The following POU6F2 variants were observed in gnomAD, a reference collection of about 807,000 sequenced individuals.
POU6F2 encodes the protein POU domain, class 6, transcription factor 2.
In POU6F2, 31 loss-of-function variants were observed where a neutral mutation model predicts 71.3. That is an observed-to-expected ratio of 0.43 (90% CI 0.33 to 0.59). The LOEUF is 0.59. Among genes scored for constraint, POU6F2 ranks in the 20% least tolerant of loss-of-function variants. The pLI is 0.04. For missense variants in POU6F2, 783 were observed against 856.8 expected (o/e 0.91, Z 1.07); for synonymous variants, 347 against 355.7 (o/e 0.98, Z 0.27).
intron 2 of POU6F2, among the ~76,000 whole-genome samples, chr7:39,134,744 C>G (rs1288522024): frequency 2.0e-5 from 3 of 152,276 alleles, no homozygotes; most frequent in Admixed American, 6.5e-5. Context: ...GGCTATATAT[C>G]AGAATCACCC....
chr7:39,107,287 C>T (rs1349198122), intron 2 of POU6F2, among the ~76,000 whole-genome samples: 2 of 152,014 alleles, frequency 1.3e-5, no homozygotes, highest in Admixed American at 6.6e-5. Context: ...TCAAATGATC[C>T]TCCCACCTAA....
At chr7:39,430,196 C>T (rs941198613) in intron 6 of POU6F2, among the ~76,000 whole-genome samples, 1 of 152,168 alleles carries the variant, frequency 6.6e-6, no homozygotes, top group Non-Finnish European at 1.5e-5. Flanking sequence ...TGACGAAATT[C>T]CCCATAATGC....
chr7:39,375,098 G>C (rs1786685370), intron 5 of POU6F2, among the ~76,000 whole-genome samples: 1 of 152,074 alleles, frequency 6.6e-6, no homozygotes, highest in Non-Finnish European at 1.5e-5. Context: ...TCTAACATTT[G>C]GGGAGGTTTT....
chr7:39,259,570 C>T (rs556097570), intron 4 of POU6F2, among the ~76,000 whole-genome samples: 4 of 152,222 alleles, frequency 2.6e-5, no homozygotes, highest in South Asian at 2.1e-4. Context: ...TTCCAAGGGC[C>T]GTGTTGCCCT....
intron 5 of POU6F2, among the ~76,000 whole-genome samples, chr7:39,377,158 T>C (rs1038172994): frequency 6.6e-6 from 1 of 150,740 alleles, no homozygotes; most frequent in African/African-American, 2.4e-5. Context: ...TGAGATGGAG[T>C]CTCATTCTGT....
intron 6 of POU6F2, among the ~76,000 whole-genome samples, chr7:39,414,666 G>C (rs1787632211): frequency 6.6e-6 from 1 of 152,266 alleles, no homozygotes; most frequent in Middle Eastern, 3.4e-3. Flanking sequence ...TAAGACTGCG[G>C]GTGCGGCCCC....
intron 4 of POU6F2, among the ~76,000 whole-genome samples, chr7:39,291,524 C>T (rs1005662909): frequency 2.6e-5 from 4 of 152,230 alleles, no homozygotes; most frequent in African/African-American, 9.7e-5. Flanking sequence ...GATTTAATTA[C>T]ATTTTTGTTC....
chr7:39,407,247 G>A (rs1487392581), intron 6 of POU6F2, among the ~76,000 whole-genome samples: 1 of 151,804 alleles, frequency 6.6e-6, no homozygotes, highest in Non-Finnish European at 1.5e-5. Context: ...AAGAAAAGGG[G>A]TGAGTTAGAA....
At chr7:39,019,555 T>G (rs747012762) in intron 1 of POU6F2, among the ~76,000 whole-genome samples, 3 of 152,178 alleles carry the variant, frequency 2.0e-5, no homozygotes, top group Non-Finnish European at 4.4e-5. Context: ...TCACATTCCT[T>G]TTCTTAGCTA....
intron 1 of POU6F2, among the ~76,000 whole-genome samples, chr7:38,979,788 G>T (rs936392452): frequency 7.2e-5 from 11 of 152,094 alleles, no homozygotes; most frequent in Admixed American, 7.2e-4. Context: ...GTATGGCATA[G>T]TTATGGTTCT....
intron 4 of POU6F2, among the ~76,000 whole-genome samples, chr7:39,290,366 C>T (rs1784729009): frequency 6.6e-6 from 1 of 152,154 alleles, no homozygotes; most frequent in Admixed American, 6.5e-5. Flanking sequence ...AAGCTTCAGG[C>T]TGCCTAGACA....
At chr7:39,318,894 G>A (rs994666493) in intron 4 of POU6F2, among the ~76,000 whole-genome samples, 1 of 152,182 alleles carries the variant, frequency 6.6e-6, no homozygotes, top group Non-Finnish European at 1.5e-5. Context: ...TGTAATCCCA[G>A]CACTTTGGAG....
intron 1 of POU6F2, among the ~76,000 whole-genome samples, chr7:39,047,320 A>G (rs922443523): frequency 1.3e-4 from 20 of 152,036 alleles, no homozygotes; most frequent in Non-Finnish European, 1.3e-4. Context: ...CCATTTTAAC[A>G]CTATTAGGTT....
intron 5 of POU6F2, among the ~76,000 whole-genome samples, chr7:39,385,910 C>T (rs1192791545): frequency 1.3e-5 from 2 of 151,984 alleles, no homozygotes; most frequent in African/African-American, 2.4e-5. Flanking sequence ...GTCAGGAGAT[C>T]GAGACCATCC....
At chr7:39,246,364 A>G (rs1314211522) in intron 4 of POU6F2, among the ~76,000 whole-genome samples, 1 of 152,166 alleles carries the variant, frequency 6.6e-6, no homozygotes, top group East Asian at 1.9e-4. Flanking sequence ...GATTAGTACT[A>G]CCAAAGGGGA....
intron 4 of POU6F2, among the ~76,000 whole-genome samples, chr7:39,247,905 T>C (rs1783849258): frequency 6.6e-6 from 1 of 152,206 alleles, no homozygotes; most frequent in African/African-American, 2.4e-5. Flanking sequence ...ACAATCTTTA[T>C]TTTCCACTCT....
At chr7:39,047,959 A>G (rs1005043045) in intron 1 of POU6F2, among the ~76,000 whole-genome samples, 1 of 151,932 alleles carries the variant, frequency 6.6e-6, no homozygotes, top group Non-Finnish European at 1.5e-5. Flanking sequence ...TCTCAGGGAC[A>G]TTAATCTGCA....
chr7:39,233,044 TC>T (rs1305041434), intron 4 of POU6F2, among the ~76,000 whole-genome samples: 4 of 152,250 alleles, frequency 2.6e-5, no homozygotes, highest in South Asian at 2.1e-4. Context: ...TTAAATGTTT[TC>T]TGACAAATTA....
chr7:39,397,042 T>G (rs908829429), intron 5 of POU6F2, among the ~76,000 whole-genome samples: 3 of 152,126 alleles, frequency 2.0e-5, no homozygotes, highest in African/African-American at 7.2e-5. Context: ...ATGCAATTTC[T>G]TGGTCCAAAA....
Sources: allele counts gnomAD v4.1 joint callset (sites outside exome capture counted in the v4.1 genomes callset), GRCh38; gene constraint gnomAD v4.1.1; transcripts MANE v1.5; gene names NCBI Gene and HGNC (gene_info 2026-07-23, HGNC 2026-07-21).